UNC5B: variants seen among roughly 807,000 people sequenced by gnomAD.
The protein encoded by UNC5B is unc-5 netrin receptor B, also known as netrin receptor UNC5B.
In UNC5B, 56 loss-of-function variants were observed where a neutral mutation model predicts 103.7. The observed-to-expected ratio is 0.54, with a 90% CI of 0.44 to 0.67. UNC5B has a LOEUF of 0.67. UNC5B is among the 30% of genes least tolerant of loss of function. UNC5B has a pLI of 0.00. For missense variants in UNC5B, 1,194 were observed against 1,284.5 expected (o/e 0.93, Z 1.08); for synonymous variants, 577 against 542.0 (o/e 1.06, Z -0.90).
intron 1 of UNC5B, among the ~76,000 whole-genome samples, chr10:71,273,029 C>A (rs1433542336): frequency 6.6e-6 from 1 of 152,226 alleles, no homozygotes. Flanking sequence ...GCTGGGATTA[C>A]AGGCATCCGC....
At chr10:71,296,097 T>C (rs2132315814) in intron 14 of UNC5B, 137 bp downstream of exon 14, 1 of 1,256,706 alleles carries the variant, frequency 8.0e-7, no homozygotes. Flanking sequence ...CTCTGTCTCC[T>C]CCCACCCCAG....
At chr10:71,293,970 G>A (rs761042567) in intron 13 of UNC5B, 37 bp downstream of exon 13, 65 of 1,523,178 alleles carry the variant, frequency 4.3e-5, no homozygotes, top group Middle Eastern at 2.3e-4. Flanking sequence ...AGCCCTGGCC[G>A]GCCAGCTGCA....
At chr10:71,272,183 A>C (rs1280704750) in intron 1 of UNC5B, among the ~76,000 whole-genome samples, 1 of 152,198 alleles carries the variant, frequency 6.6e-6, no homozygotes, top group South Asian at 2.1e-4. Context: ...GTGGGAGGTC[A>C]AGTCTGGGGA....
At chr10:71,228,915 C>A (rs1843625680) in intron 1 of UNC5B, among the ~76,000 whole-genome samples, 1 of 152,142 alleles carries the variant, frequency 6.6e-6, no homozygotes. Context: ...CTGGGTTCAG[C>A]CCTAGCCTTT....
In UNC5B at chr10:71,235,735, C is replaced by A. The variant is rs569205959; in HGVS notation, c.79+22671C>A. On this transcript the variant is annotated intron_variant, in intron 1 of 16. Coordinates refer to ENST00000335350, the MANE Select transcript of UNC5B (RefSeq NM_170744.5). The stretch of plus-strand genomic sequence containing the variant: ...GCTGGTGTGGCCTCTTGGCCTCAAC[C>A]TGAAAAGGAAGGGCAGCTCCCCACC... 2.0e-5 allele frequency among the ~76,000 whole-genome samples: 3 copies of A among 152,326 alleles called. No homozygotes were observed. The South Asian group carries it at 6.2e-4, about 32-fold the overall frequency.
intron 1 of UNC5B, among the ~76,000 whole-genome samples, chr10:71,245,074 C>T (rs1843996459): frequency 6.6e-6 from 1 of 152,190 alleles, no homozygotes; most frequent in Non-Finnish European, 1.5e-5. Flanking sequence ...GGAAATAATC[C>T]CAATTCTATT....
intron 1 of UNC5B, among the ~76,000 whole-genome samples, chr10:71,247,764 G>A (rs895449713): frequency 4.6e-5 from 7 of 152,200 alleles, no homozygotes; most frequent in South Asian, 2.1e-4. Flanking sequence ...CAGGCAGTGA[G>A]TTCTATAGAA....
rs7915111 is a variant in UNC5B, at chr10:71,300,070, C to G, written c.*793C>G. 0.1 allele frequency: 15,571 copies of G among 149,322 alleles called. 1,069 individuals carry two copies. The highest frequency in any genetic ancestry group is 0.26 in the East Asian group (1,328 of 5,086). The allele number at this position is 149,322 out of a possible 1,614,324, so 9.2% of individuals were successfully genotyped here. ...GTGTGTGTGTGTGTGTGTACATGTA[C>G]GCGTGTGCATTGAGGAGAGAGAGAC... is the stretch of plus-strand genomic sequence containing the variant. On this transcript the variant is annotated 3_prime_UTR_variant, in exon 17 of 17. Transcript: ENST00000335350.
chr10:71,234,099 T>G (rs1228347244), intron 1 of UNC5B, among the ~76,000 whole-genome samples: 1 of 152,124 alleles, frequency 6.6e-6, no homozygotes, highest in Non-Finnish European at 1.5e-5. Context: ...AGTTACAAAA[T>G]GTTAGCACTG....
At chr10:71,263,567 C>T (rs1237122164) in intron 1 of UNC5B, among the ~76,000 whole-genome samples, 4 of 152,212 alleles carry the variant, frequency 2.6e-5, no homozygotes, top group South Asian at 2.1e-4. Flanking sequence ...AGCCCCCAGC[C>T]GAGAACAATC....
intron 1 of UNC5B, among the ~76,000 whole-genome samples, chr10:71,225,785 G>C (rs1159464253): frequency 6.6e-6 from 1 of 152,218 alleles, no homozygotes; most frequent in Non-Finnish European, 1.5e-5. Flanking sequence ...AAGTGCCAAG[G>C]CAGAGAGAAG....
rs1031879701 is a variant in UNC5B, at chr10:71,213,328, G to A, written c.79+264G>A. ...GGGATCCCTTCTTCTCCCTGGAAGG[G>A]GTGTAGGAGTCAGGGTCTGAGTCTC... On this transcript the variant is annotated intron_variant, in intron 1 of 16. Coordinates refer to ENST00000335350, the MANE Select transcript of UNC5B (RefSeq NM_170744.5). This position sits in a 1 kb window ranked among gnomAD's most constrained non-coding sequence, Gnocchi z 4.1. Among the ~76,000 whole-genome samples, 4 of 152,168 alleles carry A rather than the reference G, an allele frequency of 2.6e-5. No homozygotes were observed. Among genetic ancestry groups the A allele is most frequent in the East Asian group, 1.9e-4 (1 of 5,168 alleles).
intron 1 of UNC5B, among the ~76,000 whole-genome samples, chr10:71,240,720 G>A (rs980706478): frequency 2.6e-5 from 4 of 152,266 alleles, no homozygotes; most frequent in African/African-American, 7.2e-5. Context: ...AAGACCTGAG[G>A]GGAGGATGGG....
At chr10:71,224,165 C>G (rs112877485) in intron 1 of UNC5B, among the ~76,000 whole-genome samples, 1 of 148,570 alleles carries the variant, frequency 6.7e-6, no homozygotes, top group African/African-American at 2.5e-5. Flanking sequence ...GGCACAGTGA[C>G]CCCTGCTGCA....
At chr10:71,229,037 G>T (rs1843628896) in intron 1 of UNC5B, among the ~76,000 whole-genome samples, 1 of 152,186 alleles carries the variant, frequency 6.6e-6, no homozygotes, top group African/African-American at 2.4e-5. Flanking sequence ...AGTGCTGGAT[G>T]CTCTGGAGTT....
intron 11 of UNC5B, 119 bp from the exon 12 acceptor site, chr10:71,293,286 T>C: frequency 8.5e-7 from 1 of 1,175,994 alleles, no homozygotes; most frequent in Non-Finnish European, 1.2e-6. Context: ...TGCAGAGCCC[T>C]GAGTGGCAAA....
At chr10:71,253,117 C>T (rs910131820) in intron 1 of UNC5B, among the ~76,000 whole-genome samples, 11 of 152,198 alleles carry the variant, frequency 7.2e-5, no homozygotes, top group Non-Finnish European at 1.6e-4. Context: ...TTCCACACTT[C>T]ACCTCCTCAC....
chr10:71,261,856 A>G (rs940234248), intron 1 of UNC5B, among the ~76,000 whole-genome samples: 9 of 152,270 alleles, frequency 5.9e-5, no homozygotes, highest in African/African-American at 1.7e-4. Flanking sequence ...ATTGAATACA[A>G]CTACATAAAG....
chr10:71,291,249 G>T (rs1051632695), intron 9 of UNC5B, 140 bp downstream of exon 9: 6 of 1,324,806 alleles, frequency 4.5e-6, no homozygotes, highest in Non-Finnish European at 5.2e-6. Flanking sequence ...TATGTGGATG[G>T]GTATGGATTA....
Sources: gnomAD v4.1 joint callset for allele counts (sites outside exome capture counted in the v4.1 genomes callset) on GRCh38, gnomAD v4.1.1 for gene constraint, Gnocchi (gnomAD v3.1) non-coding constraint, MANE v1.5 for transcripts, NCBI Gene and HGNC (gene_info 2026-07-23, HGNC 2026-07-21) for gene names.